Variants in NDRG1 observed in about 807,000 individuals in gnomAD.
NDRG1 encodes N-myc downstream regulated 1.
A neutral mutation model predicts 56.9 loss-of-function variants in NDRG1; 32 were observed. The ratio of observed to expected loss-of-function variants is 0.56; its 90% CI spans 0.42 to 0.76. The LOEUF is 0.76. NDRG1 is among the 30% of genes least tolerant of loss of function. The pLI, the probability that NDRG1 is intolerant of heterozygous loss-of-function variation, is 0.00. For synonymous variants in NDRG1, 211 were observed against 204.1 expected, an observed-to-expected ratio of 1.03 and a Z score of -0.29; for missense variants, 507 against 545.7, an observed-to-expected ratio of 0.93 and a Z score of 0.71.
At chr8:133,265,581 C>T (rs539211463) in intron 3 of NDRG1, among the ~76,000 whole-genome samples, 1 of 152,130 alleles carries the variant, frequency 6.6e-6, no homozygotes, top group Non-Finnish European at 1.5e-5. Flanking sequence ...TGGGTCAAGG[C>T]CAACTCTCCA....
chr8:133,257,084 C>T (rs1856416299), intron 7 of NDRG1, among the ~76,000 whole-genome samples: 1 of 152,148 alleles, frequency 6.6e-6, no homozygotes, highest in African/African-American at 2.4e-5. Flanking sequence ...AGAGGAAGTG[C>T]AGGAGAAGTA....
intron 2 of NDRG1, 142 bp from the exon 3 acceptor site, chr8:133,280,409 C>T: frequency 1.4e-6 from 1 of 728,190 alleles, no homozygotes. Context: ...CTCACAAAGG[C>T]AGGCTTTCCT....
At chr8:133,255,222 C>T (rs2130714791) in intron 8 of NDRG1, 5 of 452,922 alleles carry the variant, frequency 1.1e-5, no homozygotes, top group South Asian at 7.8e-5. Flanking sequence ...CTTTGGCTGG[C>T]CCTTGCCTGC....
chr8:133,255,046 T>C (rs778784947), intron 8 of NDRG1: 4 of 337,042 alleles, frequency 1.2e-5, no homozygotes, highest in Non-Finnish European at 2.3e-5. Flanking sequence ...CTAAGTATAC[T>C]GATATTACCA....
chr8:133,243,921 C>T (rs1426303918), intron 14 of NDRG1, among the ~76,000 whole-genome samples: 2 of 151,776 alleles, frequency 1.3e-5, no homozygotes, highest in African/African-American at 4.8e-5. Flanking sequence ...TTTACACATG[C>T]ACACAGACAT....
rs143602103 is a variant in NDRG1, at chr8:133,262,302, T to C, written c.206-135A>G. The C allele has an allele frequency of 1.3e-5, 16 of 1,192,172 alleles. No individual in the cohort carries two copies. The Admixed American group carries it at 1.4e-4, about 10-fold the overall frequency. 73.8% of individuals were successfully genotyped at this position (1,192,172 alleles called of 1,614,324 possible). A position where few individuals can be genotyped will look rare whatever the true frequency, so the allele number is the denominator to read the frequency against. On this transcript the variant is annotated intron_variant, in intron 4 of 15. Transcript: ENST00000323851. ...AAGTGAACTTAGAAGAACACAGATG[T>C]TGGCGTTTTTTGTTTTTTGGTTTTG...
At chr8:133,289,675 C>T (rs1451488105) in intron 1 of NDRG1, among the ~76,000 whole-genome samples, 3 of 152,156 alleles carry the variant, frequency 2.0e-5, no homozygotes, top group East Asian at 3.9e-4. Context: ...GAACGTGACC[C>T]GTGACCCTGG....
At chr8:133,272,869 G>C (rs1219921113) in intron 3 of NDRG1, among the ~76,000 whole-genome samples, 1 of 152,142 alleles carries the variant, frequency 6.6e-6, no homozygotes, top group Non-Finnish European at 1.5e-5. Flanking sequence ...TCAGTCATGG[G>C]GCATGAAAAC....
intron 14 of NDRG1, 21 bp from the exon 15 acceptor site, chr8:133,242,095 A>G: frequency 6.2e-7 from 1 of 1,614,192 alleles, no homozygotes; most frequent in Non-Finnish European, 8.5e-7. Flanking sequence ...CAAGGAGAGA[A>G]AATGCAGTCA....
intron 3 of NDRG1, among the ~76,000 whole-genome samples, chr8:133,277,633 G>A (rs1476573117): frequency 6.6e-6 from 1 of 152,206 alleles, no homozygotes; most frequent in Admixed American, 6.5e-5. Context: ...ACAGGAATAT[G>A]AATGTACTTA....
intron 3 of NDRG1, among the ~76,000 whole-genome samples, chr8:133,275,858 G>T (rs117957682): frequency 7.2e-5 from 11 of 152,154 alleles, no homozygotes; most frequent in Non-Finnish European, 1.6e-4. Flanking sequence ...GTAAGCACAC[G>T]TGGGGCACAT....
intron 15 of NDRG1, chr8:133,241,749 T>C: frequency 1.8e-6 from 1 of 555,658 alleles, no homozygotes; most frequent in Non-Finnish European, 3.2e-6. Context: ...ATTGTCTTGG[T>C]GCTTAAAGGG....
At chr8:133,251,309 T>C (rs547381714) in intron 9 of NDRG1, among the ~76,000 whole-genome samples, 4 of 152,256 alleles carry the variant, frequency 2.6e-5, no homozygotes, top group Admixed American at 1.3e-4. Context: ...AGATGAGAAG[T>C]TGGAGTTGGG....
At chr8:133,253,967 G>A (rs1450108035) in intron 9 of NDRG1, among the ~76,000 whole-genome samples, 2 of 152,034 alleles carry the variant, frequency 1.3e-5, no homozygotes, top group East Asian at 3.9e-4. Context: ...CTCCCAAAGT[G>A]CTGGGATTAT....
intron 2 of NDRG1, among the ~76,000 whole-genome samples, chr8:133,283,808 G>C (rs1857946032): frequency 6.6e-6 from 1 of 152,254 alleles, no homozygotes; most frequent in Non-Finnish European, 1.5e-5. Flanking sequence ...CCCAGAGTAT[G>C]TGGCTTTAAT....
intron 1 of NDRG1, among the ~76,000 whole-genome samples, chr8:133,293,980 C>T (rs965904656): frequency 2.0e-5 from 3 of 152,164 alleles, no homozygotes; most frequent in Non-Finnish European, 2.9e-5. Flanking sequence ...ATGTCTTCTG[C>T]GGGTGCTACT....
chr8:133,276,782 A>G (rs1472059088), intron 3 of NDRG1, among the ~76,000 whole-genome samples: 2 of 152,204 alleles, frequency 1.3e-5, no homozygotes, highest in African/African-American at 4.8e-5. Context: ...AGTTTCTGAT[A>G]TGTCCTTATA....
intron 3 of NDRG1, among the ~76,000 whole-genome samples, chr8:133,267,641 T>C (rs1856987691): frequency 6.6e-6 from 1 of 152,190 alleles, no homozygotes; most frequent in African/African-American, 2.4e-5. Context: ...GGTCCATTTG[T>C]TTGTGGGGGC....
intron 3 of NDRG1, among the ~76,000 whole-genome samples, chr8:133,269,501 C>T (rs1857084667): frequency 6.6e-6 from 1 of 152,192 alleles, no homozygotes; most frequent in Non-Finnish European, 1.5e-5. Flanking sequence ...GTTTCTCACA[C>T]GTGTTTTCTC....
Sources: allele counts gnomAD v4.1 joint callset (sites outside exome capture counted in the v4.1 genomes callset), GRCh38; gene constraint gnomAD v4.1.1; transcripts MANE v1.5; gene names NCBI Gene and HGNC (gene_info 2026-07-23, HGNC 2026-07-21).